BICDL1: variants seen among roughly 807,000 people sequenced by gnomAD.
The protein encoded by BICDL1 is BICD family like cargo adaptor 1, also known as BICD family-like cargo adapter 1.
Under a neutral mutation model 76.8 loss-of-function variants are expected in BICDL1, and 20 were observed. The observed-to-expected ratio is 0.26, with a 90% confidence interval of 0.18 to 0.38. BICDL1 has a LOEUF of 0.38. Ranked by LOEUF, BICDL1 falls within the 10% of genes least tolerant of loss-of-function variation. BICDL1 has a pLI of 1.00. For missense variants in BICDL1, 700 were observed against 798.6 expected (o/e 0.88, Z 1.49); for synonymous variants, 383 against 337.1 (o/e 1.14, Z -1.49).
At chr12:120,082,476 A>G (rs1023020704) in intron 8 of BICDL1, among the ~76,000 whole-genome samples, 3 of 151,644 alleles carry the variant, frequency 2.0e-5, no homozygotes, top group Non-Finnish European at 4.4e-5. Flanking sequence ...CTGGTCTTAA[A>G]CCCCTGGGCT....
intron 2 of BICDL1, among the ~76,000 whole-genome samples, chr12:120,037,605 A>G (rs1275791403): frequency 6.6e-6 from 1 of 152,194 alleles, no homozygotes; most frequent in African/African-American, 2.4e-5. Flanking sequence ...ACAGACATTA[A>G]TCAATTTCCA....
chr12:119,990,274 A>G lies in BICDL1; in HGVS notation c.406A>G (p.Lys136Glu), dbSNP rs1319982246. Reference sequence around the variant, plus strand: ...GAGCCGGCAGTACGAGCAGATGCATAAGGAGCTGACAGACAAGCTCGAGGT... The same window carrying G: ...GAGCCGGCAGTACGAGCAGATGCATGAGGAGCTGACAGACAAGCTCGAGGT... ...DMSRQYEQMH[K>E]ELTDKLEHLE... Residue 136 changes from lysine (K) to glutamate (E), a missense_variant, in exon 1 of 10, where the codon AAG becomes GAG. Transcript: ENST00000548673. 1.3e-6 allele frequency: 2 copies of G among 1,572,924 alleles called. No homozygotes were observed. The highest frequency in any genetic ancestry group is 1.2e-5 in the South Asian group (1 of 85,420).
At chr12:120,061,188 C>T (rs953240563) in intron 2 of BICDL1, among the ~76,000 whole-genome samples, 12 of 152,086 alleles carry the variant, frequency 7.9e-5, no homozygotes, top group Non-Finnish European at 1.8e-4. Flanking sequence ...GCAAAAATGT[C>T]CTTGAGGAAT....
chr12:120,061,662 T>A lies in BICDL1; in HGVS notation c.646-48T>A, dbSNP rs369074577. 28 of 1,268,646 alleles carry A rather than the reference T, an allele frequency of 2.2e-5. No homozygotes were observed. The African/African-American group carries it at 3.4e-4, about 15-fold the overall frequency. The allele number at this position is 1,268,646 out of a possible 1,614,324, so 78.6% of individuals were successfully genotyped here. ...ATGAAAGCAGAAACCTTAACAGAGT[T>A]CCTTTGCATAACCTCCGAATCAGCT... On this transcript the variant is annotated intron_variant, in intron 2 of 9. Coordinates refer to ENST00000548673, the MANE Select transcript of BICDL1 (RefSeq NM_001367886.1).
At chr12:120,081,158 CCCCCA>C (rs1873947309) in intron 8 of BICDL1, 141 bp downstream of exon 8, 1 of 707,648 alleles carries the variant, frequency 1.4e-6, no homozygotes, top group African/African-American at 2.0e-5. Flanking sequence ...CCCACCCCCA[CCCCCA>C]CCCCCATTCC....
intron 2 of BICDL1, among the ~76,000 whole-genome samples, chr12:120,029,308 T>G (rs1233078664): frequency 2.6e-5 from 4 of 152,186 alleles, no homozygotes; most frequent in Non-Finnish European, 5.9e-5. Flanking sequence ...TTAGCACCAT[T>G]TTTTCCCCCT....
At chr12:120,006,743 G>A (rs919238039) in intron 2 of BICDL1, among the ~76,000 whole-genome samples, 5 of 152,188 alleles carry the variant, frequency 3.3e-5, no homozygotes, top group African/African-American at 4.8e-5. Context: ...AAAGGGTTAG[G>A]AGATGAGATC....
chr12:120,002,451 C>G (rs1951777024), intron 2 of BICDL1, among the ~76,000 whole-genome samples: 1 of 152,094 alleles, frequency 6.6e-6, no homozygotes, highest in African/African-American at 2.4e-5. Flanking sequence ...GTTGCATATA[C>G]TTAATAACAT....
intron 9 of BICDL1, chr12:120,090,874 G>A (rs1423819102): frequency 2.3e-6 from 3 of 1,288,546 alleles, no homozygotes; most frequent in Non-Finnish European, 3.0e-6. Flanking sequence ...CCGCGCCCTG[G>A]CTGACCGCTG....
chr12:120,031,720 T>C (rs896751315), intron 2 of BICDL1, among the ~76,000 whole-genome samples: 1 of 151,962 alleles, frequency 6.6e-6, no homozygotes, highest in Admixed American at 6.6e-5. Context: ...AAGACTAGAG[T>C]CTGCACATTC....
chr12:119,996,009 T>G lies in BICDL1; in HGVS notation c.430-2512T>G, dbSNP rs375417566. On this transcript the variant is annotated intron_variant, in intron 1 of 9. Transcript: ENST00000548673. ...TCAAAAAAAAAAAAAAAATTCTCAT[T>G]TTTGGAAGTTAAGCAATACAAGGGA... 1.6e-3 allele frequency among the ~76,000 whole-genome samples: 247 copies of G among 152,048 alleles called. 2 individuals are homozygous for G. In the South Asian group the frequency reaches 0.017, roughly 11 times the overall value.
intron 2 of BICDL1, among the ~76,000 whole-genome samples, chr12:120,050,063 G>T (rs7956436): frequency 0.32 from 48,551 of 151,928 alleles, 9,745 homozygotes; most frequent in African/African-American, 0.56. Context: ...ACTAATGATG[G>T]GGAGCACTTC....
At chr12:120,010,315 T>C (rs919960873) in intron 2 of BICDL1, among the ~76,000 whole-genome samples, 1 of 152,272 alleles carries the variant, frequency 6.6e-6, no homozygotes, top group African/African-American at 2.4e-5. Flanking sequence ...CTGAGTAAGA[T>C]TGCCACCATC....
chr12:120,069,940 A>T lies in BICDL1; in HGVS notation c.910-1682A>T, dbSNP rs547879831. Among the ~76,000 whole-genome samples, 120 of 152,332 alleles carry T rather than the reference A, an allele frequency of 7.9e-4. 1 individual carries two copies. Among genetic ancestry groups the T allele is most frequent in the Non-Finnish European group, 1.2e-3 (85 of 68,030 alleles). ...TTTTTATGTCTGGCTTTTGTTCAAC[A>T]TTGTGTCTGTGAAATTTAACCATGT... is the stretch of plus-strand genomic sequence containing the variant. On this transcript the variant is annotated intron_variant, in intron 4 of 9. Coordinates refer to ENST00000548673, the MANE Select transcript of BICDL1 (RefSeq NM_001367886.1).
rs1278786138 is a variant in BICDL1, at chr12:120,093,242, T to C, written c.*81T>C. 1.6e-5 allele frequency: 24 copies of C among 1,482,296 alleles called. No homozygotes were observed. In the East Asian group the frequency reaches 5.2e-4, roughly 32 times the overall value. The allele number at this position is 1,482,296 out of a possible 1,614,324, so 91.8% of individuals were successfully genotyped here. ...GTGCAGGCAAGGCCTCCCCTGCAGCTTGCACCTCAGCAGCTGCCCTGCCCC... is the reference window on the plus strand; with the variant it reads ...GTGCAGGCAAGGCCTCCCCTGCAGCCTGCACCTCAGCAGCTGCCCTGCCCC... On this transcript the variant is annotated 3_prime_UTR_variant, in exon 10 of 10. Coordinates refer to ENST00000548673, the MANE Select transcript of BICDL1 (RefSeq NM_001367886.1).
chr12:120,059,243 C>T (rs762917698), intron 2 of BICDL1, among the ~76,000 whole-genome samples: 11 of 152,018 alleles, frequency 7.2e-5, no homozygotes, highest in Non-Finnish European at 1.6e-4. Context: ...TATAGGCACG[C>T]ACCACCATGC....
chr12:120,011,560 T>C (rs1293464927), intron 2 of BICDL1, among the ~76,000 whole-genome samples: 1 of 152,214 alleles, frequency 6.6e-6, no homozygotes, highest in African/African-American at 2.4e-5. Flanking sequence ...ACTCAGGTAA[T>C]ATCTTTGATA....
intron 3 of BICDL1, 101 bp from the exon 4 acceptor site, chr12:120,064,632 C>T: frequency 8.2e-7 from 1 of 1,222,360 alleles, no homozygotes; most frequent in Non-Finnish European, 1.1e-6. Context: ...GGGCAGAATA[C>T]TGAAAGATAC....
intron 2 of BICDL1, among the ~76,000 whole-genome samples, chr12:120,021,766 G>T (rs916067338): frequency 8.7e-5 from 13 of 149,822 alleles, no homozygotes; most frequent in Non-Finnish European, 1.8e-4. Context: ...TTAGCTGGGC[G>T]TGGTGGCGCA....
Sources: allele counts gnomAD v4.1 joint callset (sites outside exome capture counted in the v4.1 genomes callset), GRCh38; gene constraint gnomAD v4.1.1; transcripts MANE v1.5; gene names NCBI Gene and HGNC (gene_info 2026-07-23, HGNC 2026-07-21).